The following BTBD3 variants were observed in gnomAD, a reference collection of about 807,000 sequenced individuals.
BTBD3 encodes BTB/POZ domain-containing protein 3.
A neutral mutation model predicts 41.6 loss-of-function variants in BTBD3; 14 were observed. That is an observed-to-expected ratio of 0.34 (90% confidence interval 0.22 to 0.53). BTBD3 has a LOEUF of 0.53. Ranked by LOEUF, BTBD3 falls within the 20% of genes least tolerant of loss-of-function variation. The probability of loss-of-function intolerance (pLI) is 0.95; values close to 1 mark genes in which losing one functional copy is unlikely to be tolerated. For missense variants in BTBD3, 426 were observed against 654.7 expected (o/e 0.65, Z 3.81); for synonymous variants, 249 against 233.7 (o/e 1.07, Z -0.60).
At chr20:11,920,481 A>G (rs932657991) in intron 3 of BTBD3, among the ~76,000 whole-genome samples, 2 of 152,216 alleles carry the variant, frequency 1.3e-5, no homozygotes, top group East Asian at 1.9e-4. Context: ...TTGGTAATAC[A>G]GAAGTATGAA....
At position 11,893,927 on chromosome 20, in the gene BTBD3, T is replaced by A. The variant is rs1309967088; in HGVS notation, c.-126+2973T>A. On this transcript the variant is annotated intron_variant, in intron 1 of 4. Coordinates refer to the BTBD3 transcript ENST00000254977. ...GTAAATATTAGAGACGTTTCCTTTT[T>A]CTGTAAACCCTTTGAAAATAAGATT... Among the ~76,000 whole-genome samples the A allele has an allele frequency of 1.3e-5, 2 of 152,250 alleles. 1 individual carries two copies. Among genetic ancestry groups the A allele is most frequent in the Non-Finnish European group, 2.9e-5 (2 of 68,046 alleles).
intron 1 of BTBD3, among the ~76,000 whole-genome samples, chr20:11,898,551 C>T (rs988245791): frequency 1.3e-5 from 2 of 152,206 alleles, no homozygotes; most frequent in Admixed American, 1.3e-4. Flanking sequence ...TTTCCTACCT[C>T]TGCTAGACTA....
intron 1 of BTBD3, chr20:11,910,265 CAT>C (rs1221271837): frequency 1.3e-5 from 2 of 151,894 alleles, no homozygotes; most frequent in African/African-American, 4.8e-5. Context: ...CAAAGTAAAA[CAT>C]ATCTTTGGAA....
chr20:11,905,827 T>C (rs1257300442), intron 1 of BTBD3, among the ~76,000 whole-genome samples: 2 of 152,194 alleles, frequency 1.3e-5, no homozygotes, highest in Non-Finnish European at 2.9e-5. Context: ...ATTGTGGCCT[T>C]TGTTCTGCAT....
In BTBD3 at chr20:11,892,049, G is replaced by A. The variant is rs74975575; in HGVS notation, c.-126+1095G>A. On this transcript the variant is annotated intron_variant, in intron 1 of 4. Coordinates refer to the BTBD3 transcript ENST00000254977. ...TTAATATAAGAAAGTCAAGGCTTTA[G>A]TTTCACATAGTAGTAGCATTCAGTT... 3.0e-3 allele frequency among the ~76,000 whole-genome samples: 456 copies of A among 152,262 alleles called. 1 individual carries two copies. The highest frequency in any genetic ancestry group is 4.1e-3 in the African/African-American group (171 of 41,542).
upstream of BTBD3, among the ~76,000 whole-genome samples, chr20:11,917,293 T>C (rs1322795228): frequency 2.6e-5 from 4 of 152,180 alleles, no homozygotes; most frequent in African/African-American, 9.7e-5. Context: ...CTTAATCTAA[T>C]TAACAGTATT....
At chr20:11,899,732 A>G (rs978217392) in intron 1 of BTBD3, among the ~76,000 whole-genome samples, 3 of 152,156 alleles carry the variant, frequency 2.0e-5, no homozygotes, top group Admixed American at 6.5e-5. Context: ...AGAATATCTC[A>G]AAAACATCAG....
chr20:11,921,257 T>G (rs1319207557), intron 3 of BTBD3, among the ~76,000 whole-genome samples: 3 of 152,258 alleles, frequency 2.0e-5, no homozygotes, highest in South Asian at 2.1e-4. Context: ...ACATCTCACC[T>G]AAGTCATTTG....
upstream of BTBD3, among the ~76,000 whole-genome samples, chr20:11,915,612 A>G (rs911604448): frequency 2.0e-5 from 3 of 152,258 alleles, no homozygotes; most frequent in East Asian, 3.9e-4. Context: ...CATTTTCAGT[A>G]GCAAGAACCT....
At chr20:11,915,661 C>T (rs913493767), upstream of BTBD3, among the ~76,000 whole-genome samples, 3 of 151,944 alleles carry the variant, frequency 2.0e-5, no homozygotes, top group Non-Finnish European at 2.9e-5. Context: ...AAAAAGTAGC[C>T]GTCAGATAAT....
intron 1 of BTBD3, among the ~76,000 whole-genome samples, chr20:11,892,694 A>G (rs1044274191): frequency 2.0e-5 from 3 of 152,340 alleles, no homozygotes; most frequent in Non-Finnish European, 4.4e-5. Context: ...TTGTTTAACA[A>G]ACTTCCAAAA....
At chr20:11,921,050 A>G (rs1568616281) in intron 3 of BTBD3, among the ~76,000 whole-genome samples, 1 of 152,256 alleles carries the variant, frequency 6.6e-6, no homozygotes, top group Non-Finnish European at 1.5e-5. Flanking sequence ...TTTTGGAGAT[A>G]TATGTACAGA....
intron 1 of BTBD3, among the ~76,000 whole-genome samples, chr20:11,897,889 T>G (rs1051128459): frequency 5.9e-5 from 9 of 152,200 alleles, no homozygotes; most frequent in African/African-American, 2.2e-4. Flanking sequence ...CCGGGCATGG[T>G]GGTTCACGCC....
At chr20:11,919,532 A>G in intron 2 of BTBD3, 186 bp from the exon 3 acceptor site, 1 of 1,166,612 alleles carries the variant, frequency 8.6e-7, no homozygotes, top group Non-Finnish European at 1.2e-6. Flanking sequence ...AAAGCTTTGA[A>G]ATAATTAGCA....
chr20:11,894,969 A>G (rs2122162535), intron 1 of BTBD3, among the ~76,000 whole-genome samples: 1 of 152,330 alleles, frequency 6.6e-6, no homozygotes, highest in East Asian at 1.9e-4. Context: ...GATAAACAAC[A>G]TTTTGGAAAT....
chr20:11,897,484 CAAAAAAAAAAAAAA>C (rs71186168), intron 1 of BTBD3, among the ~76,000 whole-genome samples: 25 of 65,370 alleles, frequency 3.8e-4, no homozygotes, highest in African/African-American at 1.4e-3. Context: ...GTTATTTAAG[CAAAAAAAAAAAAAA>C]AAAAAAAAAA....
chr20:11,902,653 A>G (rs2056830873), intron 1 of BTBD3, among the ~76,000 whole-genome samples: 1 of 152,270 alleles, frequency 6.6e-6, no homozygotes, highest in African/African-American at 2.4e-5. Context: ...CAGGAATAAC[A>G]GGAGATGGCT....
chr20:11,919,189 T>C lies in BTBD3; in HGVS notation c.417+13T>C, dbSNP rs982097516. 6 of 1,610,620 alleles carry C rather than the reference T, an allele frequency of 3.7e-6. No individual in the cohort carries two copies. In the African/African-American group the frequency reaches 5.3e-5, roughly 14 times the overall value. ...GCCAGGACACAAAGTAAGCAACAGC[T>C]GCATGACCGGTTTAGTCCTGACGTT... On this transcript the variant is annotated intron_variant, in intron 2 of 3. Transcript: ENST00000378226.
intron 1 of BTBD3, chr20:11,892,675 A>G (rs931127483): frequency 6.6e-6 from 1 of 152,148 alleles, no homozygotes; most frequent in Non-Finnish European, 1.5e-5. Flanking sequence ...CAATCCTTGC[A>G]CTGATAACTT....
Sources: allele counts gnomAD v4.1 joint callset (sites outside exome capture counted in the v4.1 genomes callset), GRCh38; gene constraint gnomAD v4.1.1; transcripts MANE v1.5; gene names NCBI Gene and HGNC (gene_info 2026-07-23, HGNC 2026-07-21).